The following PCDH15 variants were observed in gnomAD, a reference collection of about 807,000 sequenced individuals.
PCDH15 encodes protocadherin-15.
Under a neutral mutation model 178.5 loss-of-function variants are expected in PCDH15, and 129 were observed. The observed-to-expected ratio is 0.72, with a 90% CI of 0.63 to 0.84. The LOEUF is 0.84. Ranked by LOEUF, PCDH15 falls within the 40% of genes least tolerant of loss-of-function variation. The pLI is 0.00. For missense variants in PCDH15, 2,230 were observed against 2,099.9 expected (o/e 1.06, Z -1.21); for synonymous variants, 800 against 732.0 (o/e 1.09, Z -1.50).
intron 2 of PCDH15, among the ~76,000 whole-genome samples, chr10:55,553,782 T>C (rs911518027): frequency 2.0e-5 from 3 of 152,024 alleles, no homozygotes; most frequent in African/African-American, 7.2e-5. Flanking sequence ...TGAGAGTCTG[T>C]TACAAACTAA....
chr10:55,438,054 C>T (rs1839088890), intron 2 of PCDH15, among the ~76,000 whole-genome samples: 1 of 151,878 alleles, frequency 6.6e-6, no homozygotes, highest in Non-Finnish European at 1.5e-5. Context: ...AGGCTGGTCT[C>T]AAACTACCGA....
intron 2 of PCDH15, among the ~76,000 whole-genome samples, chr10:54,900,428 T>C (rs1375029226): frequency 6.6e-6 from 1 of 152,172 alleles, no homozygotes; most frequent in African/African-American, 2.4e-5. Flanking sequence ...CCTTGTTGAT[T>C]TTATCTAAAG....
At chr10:53,919,866 T>G (rs1206395962) in intron 25 of PCDH15, among the ~76,000 whole-genome samples, 2 of 152,200 alleles carry the variant, frequency 1.3e-5, no homozygotes, top group Non-Finnish European at 2.9e-5. Context: ...GGGAAATTTC[T>G]AAAACTTTCT....
intron 2 of PCDH15, among the ~76,000 whole-genome samples, chr10:54,981,924 C>T (rs1195362610): frequency 6.6e-6 from 1 of 151,620 alleles, no homozygotes; most frequent in Non-Finnish European, 1.5e-5. Flanking sequence ...TCTTGGTGCA[C>T]ATTTTGTTTT....
chr10:53,915,264 T>C (rs1048448219), intron 25 of PCDH15, among the ~76,000 whole-genome samples: 6 of 152,142 alleles, frequency 3.9e-5, no homozygotes, highest in African/African-American at 1.4e-4. Flanking sequence ...AAATAAATTA[T>C]TAACTGTATT....
rs1443886675 is a variant in PCDH15, at chr10:54,079,364, C to A, written c.2058G>T (p.Leu686=). ...GCCTGCCATCTGAAGCTGTGATGAT[C>A]AGAATGTAGCGATCAGTGCTTTCCC... ...LDRESTDRYI[L]IITASDGRPD... The change falls in exon 17 of 38, where the codon CTG becomes CTT. Residue 686 remains leucine, a synonymous_variant. Coordinates refer to ENST00000644397, the MANE Select transcript of PCDH15 (RefSeq NM_001384140.1). The A allele has an allele frequency of 1.9e-6, 3 of 1,614,018 alleles. No homozygotes were observed. The African/African-American group carries it at 4.0e-5, about 22-fold the overall frequency.
chr10:54,205,481 T>TTGTGTGTGTGAGTG (rs2050699869), intron 10 of PCDH15, among the ~76,000 whole-genome samples: 1 of 135,088 alleles, frequency 7.4e-6, no homozygotes, highest in Non-Finnish European at 1.6e-5. Context: ...TATATTTCCT[T>TTGTGTGTGTGAGTG]TGTGTGTGTG....
chr10:54,625,017 C>T (rs921114763), intron 2 of PCDH15, among the ~76,000 whole-genome samples: 2 of 152,066 alleles, frequency 1.3e-5, no homozygotes, highest in East Asian at 3.9e-4. Context: ...AATCATCCCC[C>T]CACCCCACTG....
chr10:54,087,972 G>A (rs944410435), intron 16 of PCDH15, among the ~76,000 whole-genome samples: 24 of 152,036 alleles, frequency 1.6e-4, no homozygotes, highest in Non-Finnish European at 2.9e-4. Context: ...CTGACTCCCC[G>A]CTTTGCCTTC....
chr10:54,025,049 C>T (rs745741829), intron 18 of PCDH15, among the ~76,000 whole-genome samples: 1 of 152,084 alleles, frequency 6.6e-6, no homozygotes, highest in African/African-American at 2.4e-5. Flanking sequence ...ATTTAAATGA[C>T]TCTTGTTCAA....
At chr10:55,207,231 A>G (rs1018343582) in intron 1 of PCDH15, among the ~76,000 whole-genome samples, 19 of 152,074 alleles carry the variant, frequency 1.2e-4, no homozygotes, top group Admixed American at 6.5e-4. Context: ...GGAATAAGAC[A>G]TATATATTCC....
chr10:55,540,291 G>C (rs1841728210), intron 2 of PCDH15, among the ~76,000 whole-genome samples: 1 of 151,994 alleles, frequency 6.6e-6, no homozygotes, highest in South Asian at 2.1e-4. Flanking sequence ...GATTTAAGAA[G>C]AATGCTGCAA....
intron 2 of PCDH15, among the ~76,000 whole-genome samples, chr10:54,933,087 C>T (rs1348956578): frequency 6.6e-6 from 1 of 152,150 alleles, no homozygotes; most frequent in Non-Finnish European, 1.5e-5. Context: ...TAGTAACATG[C>T]TGTATAGGTT....
At chr10:54,736,056 T>C (rs1324052387) in intron 1 of PCDH15, among the ~76,000 whole-genome samples, 3 of 152,000 alleles carry the variant, frequency 2.0e-5, no homozygotes, top group African/African-American at 4.8e-5. Flanking sequence ...TGTCAAGATC[T>C]CGACTTTCTT....
intron 37 of PCDH15, chr10:53,809,368 C>T: frequency 6.2e-7 from 1 of 1,613,940 alleles, no homozygotes; most frequent in Non-Finnish European, 8.5e-7. Flanking sequence ...GTCAACGATT[C>T]CTCTTTTATC....
At chr10:55,068,664 C>G (rs1375195478) in intron 2 of PCDH15, among the ~76,000 whole-genome samples, 2 of 151,872 alleles carry the variant, frequency 1.3e-5, no homozygotes, top group African/African-American at 4.8e-5. Context: ...TACATTAAAT[C>G]TATATATTTC....
intron 2 of PCDH15, among the ~76,000 whole-genome samples, chr10:55,442,935 G>C (rs920179329): frequency 6.6e-6 from 1 of 151,958 alleles, no homozygotes; most frequent in African/African-American, 2.4e-5. Flanking sequence ...AGAGGAAAAA[G>C]ATATAGATAT....
At chr10:54,902,006 ATTT>A (rs553557987) in intron 2 of PCDH15, among the ~76,000 whole-genome samples, 225 of 150,672 alleles carry the variant, frequency 1.5e-3, no homozygotes, top group Middle Eastern at 3.4e-3. Context: ...CATTCAAATG[ATTT>A]TTTTTTGCAA....
chr10:53,933,509 T>C (rs1429140107), intron 25 of PCDH15, among the ~76,000 whole-genome samples: 2 of 152,078 alleles, frequency 1.3e-5, no homozygotes, highest in Non-Finnish European at 2.9e-5. Flanking sequence ...GAACTCATCC[T>C]TTTTTATGGC....
Sources: allele counts gnomAD v4.1 joint callset (sites outside exome capture counted in the v4.1 genomes callset), GRCh38; gene constraint gnomAD v4.1.1; transcripts MANE v1.5; gene names NCBI Gene and HGNC (gene_info 2026-07-23, HGNC 2026-07-21).